BMPR1B: variants seen among roughly 807,000 people sequenced by gnomAD.
The protein encoded by BMPR1B is bone morphogenetic protein receptor type 1B.
BMPR1B carries 12 observed loss-of-function variants against 59.1 expected under a neutral mutation model. That is an observed-to-expected ratio of 0.20 (90% CI 0.13 to 0.33). BMPR1B has a LOEUF of 0.33. Among genes scored for constraint, BMPR1B ranks in the 10% least tolerant of loss-of-function variants. The probability of loss-of-function intolerance (pLI) is 1.00; values close to 1 mark genes in which losing one functional copy is unlikely to be tolerated. For missense variants in BMPR1B, 550 were observed against 610.9 expected, an observed-to-expected ratio of 0.90 and a Z score of 1.05; for synonymous variants, 237 against 207.3, an observed-to-expected ratio of 1.14 and a Z score of -1.23.
At chr4:94,967,099 C>A (rs977998803) in intron 2 of BMPR1B, among the ~76,000 whole-genome samples, 19 of 152,010 alleles carry the variant, frequency 1.2e-4, no homozygotes, top group Non-Finnish European at 7.4e-5. Flanking sequence ...CAAAATATAT[C>A]CAAAGTTGTT....
chr4:95,124,923 A>G (rs922266394), intron 7 of BMPR1B, 60 bp from the exon 8 acceptor site: 9 of 1,512,462 alleles, frequency 6.0e-6, no homozygotes, highest in East Asian at 4.5e-5. Context: ...TTTAGTTGCA[A>G]TATTTTACTC....
Position 94,841,482 on chromosome 4 carries a change from C to T in BMPR1B, c.-182-34349C>T, listed in dbSNP as rs1021377105. On this transcript the variant is annotated intron_variant, in intron 1 of 12. Coordinates refer to ENST00000515059, the MANE Select transcript of BMPR1B (RefSeq NM_001203.3). ...TCTCGTGCTGCGCTGTTTTTTAAGC[C>T]GGTCGGAAAAGCGCAGTATTTGGGT... Among the ~76,000 whole-genome samples, 11 of 152,282 alleles carry T rather than the reference C, an allele frequency of 7.2e-5. No homozygotes were observed. The East Asian group carries it at 1.9e-3, about 27-fold the overall frequency.
intron 1 of BMPR1B, among the ~76,000 whole-genome samples, chr4:94,816,976 T>C (rs950981311): frequency 6.6e-6 from 1 of 152,178 alleles, no homozygotes; most frequent in Non-Finnish European, 1.5e-5. Context: ...GATTAAGTCA[T>C]GAGGGAAGAA....
At position 95,124,967 on chromosome 4, in the gene BMPR1B, A is replaced by G. The variant is rs548175908; in HGVS notation, c.447-16A>G. On this transcript the variant is annotated splice_polypyrimidine_tract_variant and intron_variant, in intron 7 of 12. Transcript: ENST00000515059. ...CATTTCATTATCTAAAATTATCTTC[A>G]TCTATCCATCTTTAGGTATAAAAGA... 3 of 1,606,782 alleles carry G rather than the reference A, an allele frequency of 1.9e-6. No individual in the cohort carries two copies. Among genetic ancestry groups the G allele is most frequent in the Admixed American group, 3.3e-5 (2 of 59,936 alleles).
chr4:95,007,864 G>T (rs1722960602), intron 3 of BMPR1B, among the ~76,000 whole-genome samples: 1 of 152,090 alleles, frequency 6.6e-6, no homozygotes, highest in South Asian at 2.1e-4. Context: ...AAAGTCTATA[G>T]AAATAATCAG....
chr4:94,985,509 C>CTGTG (rs60003954), intron 2 of BMPR1B, among the ~76,000 whole-genome samples: 1,738 of 138,840 alleles, frequency 0.013, 23 homozygotes, highest in African/African-American at 0.032. Flanking sequence ...AAAATAAGAG[C>CTGTG]TGTGTGTGTG....
chr4:95,126,284 C>T lies in BMPR1B; in HGVS notation c.585+1163C>T, dbSNP rs533464747. On this transcript the variant is annotated intron_variant, in intron 8 of 12. Transcript: ENST00000515059. ...TGGCTGATTTATTATAGGCGCTGTT[C>T]AATAATTTGTTTTTAAAAAGCTTTC... 3.2e-4 allele frequency among the ~76,000 whole-genome samples: 49 copies of T among 152,154 alleles called. No individual in the cohort carries two copies. In the South Asian group the frequency reaches 9.3e-3, roughly 29 times the overall value.
rs555529043 is a variant in BMPR1B, at chr4:94,803,459, G to GT, written c.-183+45392dup. Among the ~76,000 whole-genome samples, 11 of 152,304 alleles carry GT rather than the reference G, an allele frequency of 7.2e-5. No homozygotes were observed. The East Asian group carries it at 2.1e-3, about 29-fold the overall frequency. On this transcript the variant is annotated intron_variant, in intron 1 of 12. Transcript: ENST00000515059. ...GGAAAATGGAGCTCCGGTGAGTAGGGTGGGACTGTTGAGAAGTGGAGAGTT... is the reference window on the plus strand; with the variant it reads ...GGAAAATGGAGCTCCGGTGAGTAGGGTTGGGACTGTTGAGAAGTGGAGAGTT...
chr4:94,956,581 G>T (rs770685989), intron 2 of BMPR1B, among the ~76,000 whole-genome samples: 1 of 152,184 alleles, frequency 6.6e-6, no homozygotes, highest in Non-Finnish European at 1.5e-5. Flanking sequence ...TACTGAGTTT[G>T]TGGAACATTT....
chr4:95,005,045 C>G (rs1177746067), intron 3 of BMPR1B, among the ~76,000 whole-genome samples: 1 of 152,080 alleles, frequency 6.6e-6, no homozygotes, highest in African/African-American at 2.4e-5. Context: ...ATTGGTACAG[C>G]TTGCAAAGCA....
At chr4:95,010,979 A>G (rs13103870) in intron 3 of BMPR1B, among the ~76,000 whole-genome samples, 40,830 of 152,188 alleles carry the variant, frequency 0.27, 6,384 homozygotes, top group South Asian at 0.42. Context: ...AATTGTAGAA[A>G]AAACTAAAAG....
chr4:95,121,917 T>C (rs1732559512), intron 6 of BMPR1B, among the ~76,000 whole-genome samples: 1 of 152,222 alleles, frequency 6.6e-6, no homozygotes, highest in Non-Finnish European at 1.5e-5. Context: ...GATGTATGTG[T>C]AAGAGTGTTT....
chr4:95,037,229 G>T (rs1420158952), intron 3 of BMPR1B, among the ~76,000 whole-genome samples: 1 of 152,144 alleles, frequency 6.6e-6, no homozygotes, highest in African/African-American at 2.4e-5. Context: ...AAAGCTAAGT[G>T]GTTGCAAAGA....
At chr4:95,108,350 G>A (rs1384079924) in intron 4 of BMPR1B, among the ~76,000 whole-genome samples, 1 of 152,068 alleles carries the variant, frequency 6.6e-6, no homozygotes, top group Non-Finnish European at 1.5e-5. Flanking sequence ...CTTAGAAAAG[G>A]GCTGGTCTAA....
chr4:95,112,991 AT>A (rs1191996177), intron 4 of BMPR1B, among the ~76,000 whole-genome samples: 1 of 152,022 alleles, frequency 6.6e-6, no homozygotes, highest in Non-Finnish European at 1.5e-5. Flanking sequence ...GGATGACCAT[AT>A]TTTCCGGTAA....
chr4:95,079,448 T>C (rs1728953921), intron 3 of BMPR1B, among the ~76,000 whole-genome samples: 1 of 71,922 alleles, frequency 1.4e-5, no homozygotes, highest in Non-Finnish European at 3.3e-5. Flanking sequence ...AAATATTTCA[T>C]GTAGAATGTC....
At chr4:95,028,036 T>C (rs1724546861) in intron 3 of BMPR1B, among the ~76,000 whole-genome samples, 2 of 152,140 alleles carry the variant, frequency 1.3e-5, no homozygotes, top group Admixed American at 6.6e-5. Flanking sequence ...GGAGGTTATA[T>C]ATAGGATGAT....
At chr4:94,792,658 G>A (rs1723027906) in intron 1 of BMPR1B, among the ~76,000 whole-genome samples, 1 of 152,058 alleles carries the variant, frequency 6.6e-6, no homozygotes, top group African/African-American at 2.4e-5. Context: ...ACTGGTCTGT[G>A]GTCTTGTTTT....
chr4:95,026,725 C>T (rs1310567443), intron 3 of BMPR1B, among the ~76,000 whole-genome samples: 1 of 124,410 alleles, frequency 8.0e-6, no homozygotes, highest in South Asian at 3.3e-4. Context: ...CCCTGCCCTA[C>T]CCTCCCCTCC....
Sources: gnomAD v4.1 joint callset for allele counts (sites outside exome capture counted in the v4.1 genomes callset) on GRCh38, gnomAD v4.1.1 for gene constraint, MANE v1.5 for transcripts, NCBI Gene and HGNC (gene_info 2026-07-23, HGNC 2026-07-21) for gene names.